The following MYT1L variants were observed in gnomAD, a reference collection of about 807,000 sequenced individuals.
The protein encoded by MYT1L is myelin transcription factor 1 like.
A neutral mutation model predicts 126.7 loss-of-function variants in MYT1L; 12 were observed. The observed-to-expected ratio is 0.09, with a 90% CI of 0.06 to 0.15. The LOEUF (loss-of-function observed/expected upper bound fraction) is 0.15, where lower values mean the gene tolerates loss of function less well. Ranked by LOEUF, MYT1L falls within the 10% of genes least tolerant of loss-of-function variation. MYT1L has a pLI of 1.00. For synonymous variants in MYT1L, 541 were observed against 604.2 expected, an observed-to-expected ratio of 0.90 and a Z score of 1.53; for missense variants, 979 against 1,585.2, an observed-to-expected ratio of 0.62 and a Z score of 6.49.
chr2:1,932,219 C>T lies in MYT1L; in HGVS notation c.506-8956G>A, dbSNP rs116800780. Among the ~76,000 whole-genome samples the T allele has an allele frequency of 3.1e-3, 478 of 152,220 alleles. 5 individuals carry two copies. The highest frequency in any genetic ancestry group is 0.011 in the African/African-American group (460 of 41,522). On this transcript the variant is annotated intron_variant, in intron 9 of 24. Coordinates refer to ENST00000647738, the MANE Select transcript of MYT1L (RefSeq NM_001303052.2). The stretch of plus-strand genomic sequence containing the variant: ...CAGGGAATTGAGGCACGGAGGAAAA[C>T]GTCTATTTAAGATAGGAGGCATTTA...
intron 3 of MYT1L, among the ~76,000 whole-genome samples, chr2:2,121,351 A>G (rs1471054227): frequency 2.7e-5 from 4 of 149,476 alleles, no homozygotes; most frequent in African/African-American, 7.4e-5. Context: ...CTAACTTTGT[A>G]TTTTTAGTAG....
intron 3 of MYT1L, among the ~76,000 whole-genome samples, chr2:2,098,810 C>T (rs1368738505): frequency 6.6e-6 from 1 of 152,222 alleles, no homozygotes; most frequent in Non-Finnish European, 1.5e-5. Context: ...GGTCTGTAAA[C>T]CATTTGTGTT....
chr2:2,297,353 C>T (rs766614847), intron 1 of MYT1L, among the ~76,000 whole-genome samples: 12 of 152,250 alleles, frequency 7.9e-5, no homozygotes, highest in South Asian at 2.1e-4. Context: ...GACAGGGGAC[C>T]GTGTGTGGGG....
chr2:2,314,578 C>A (rs1337233776), intron 1 of MYT1L, among the ~76,000 whole-genome samples: 3 of 152,092 alleles, frequency 2.0e-5, no homozygotes, highest in Non-Finnish European at 4.4e-5. Flanking sequence ...ATTTTAAGTT[C>A]TGGGATACAT....
At chr2:1,805,680 GT>G (rs923890532) in intron 22 of MYT1L, among the ~76,000 whole-genome samples, 1 of 152,204 alleles carries the variant, frequency 6.6e-6, no homozygotes, top group Non-Finnish European at 1.5e-5. Context: ...GAGCTCAGGA[GT>G]TTGAGAGCAG....
chr2:2,301,824 CT>C (rs2095790804), intron 1 of MYT1L, among the ~76,000 whole-genome samples: 1 of 113,334 alleles, frequency 8.8e-6, no homozygotes, highest in African/African-American at 3.4e-5. Context: ...CCCTGTCTGT[CT>C]AAAAAAAAAA....
chr2:1,799,046 A>T (rs887555994), intron 23 of MYT1L, among the ~76,000 whole-genome samples: 1 of 152,184 alleles, frequency 6.6e-6, no homozygotes, highest in African/African-American at 2.4e-5. Flanking sequence ...CGACCCTGAG[A>T]GCTGCAGAGC....
At chr2:2,183,590 G>A (rs2091771986) in intron 2 of MYT1L, among the ~76,000 whole-genome samples, 1 of 152,182 alleles carries the variant, frequency 6.6e-6, no homozygotes, top group Non-Finnish European at 1.5e-5. Flanking sequence ...GGTTCTCAGT[G>A]TGATGAGGTA....
intron 23 of MYT1L, among the ~76,000 whole-genome samples, chr2:1,797,566 C>T (rs1421192873): frequency 6.6e-6 from 1 of 152,166 alleles, no homozygotes; most frequent in African/African-American, 2.4e-5. Context: ...AAGACCCCGA[C>T]GCAGACTCTT....
At chr2:2,293,087 ACC>A (rs2095622825) in intron 1 of MYT1L, among the ~76,000 whole-genome samples, 2 of 152,184 alleles carry the variant, frequency 1.3e-5, no homozygotes, top group Admixed American at 6.5e-5. Context: ...CAAGACAGCC[ACC>A]CTGGAGGCAT....
rs879447152 is a variant in MYT1L, at chr2:1,952,968, CTCCT to C, written c.153-9638_153-9635del. ...CCCTCCTTCCTCCCTCCCTCCCTCC[CTCCT>C]TCCTTCCTTTCTCTTTCTTTCTTTT... On this transcript the variant is annotated intron_variant, in intron 8 of 24. Coordinates refer to ENST00000647738, the MANE Select transcript of MYT1L (RefSeq NM_001303052.2). Among the ~76,000 whole-genome samples, 1,091 of 114,948 alleles carry C rather than the reference CTCCT, an allele frequency of 9.5e-3. 7 individuals carry two copies. The highest frequency in any genetic ancestry group is 0.02 in the Middle Eastern group (5 of 248). 75.4% of individuals were successfully genotyped at this position (114,948 alleles called of 152,430 possible). A position where few individuals can be genotyped will look rare whatever the true frequency, so the allele number is the denominator to read the frequency against.
chr2:2,148,633 G>A (rs932020919), intron 3 of MYT1L, among the ~76,000 whole-genome samples: 11 of 152,286 alleles, frequency 7.2e-5, no homozygotes, highest in African/African-American at 2.4e-4. Flanking sequence ...TAGAGAATAC[G>A]GTTGTCTCCA....
chr2:2,147,221 C>T (rs947024048), intron 3 of MYT1L, among the ~76,000 whole-genome samples: 6 of 152,214 alleles, frequency 3.9e-5, no homozygotes, highest in Non-Finnish European at 7.3e-5. Context: ...ATGAACAGCA[C>T]CACAATCAGA....
intron 4 of MYT1L, among the ~76,000 whole-genome samples, chr2:1,997,704 C>G (rs906316140): frequency 6.6e-6 from 1 of 152,164 alleles, no homozygotes; most frequent in Non-Finnish European, 1.5e-5. Flanking sequence ...ATCCTCCCTC[C>G]TTCCCAGACT....
intron 1 of MYT1L, among the ~76,000 whole-genome samples, chr2:2,295,316 T>G (rs996774512): frequency 1.3e-5 from 2 of 152,162 alleles, no homozygotes; most frequent in African/African-American, 2.4e-5. Flanking sequence ...GCAATACACC[T>G]GGAACAGGAG....
At chr2:1,956,580 C>CTATA (rs2058472972) in intron 8 of MYT1L, among the ~76,000 whole-genome samples, 1 of 130,482 alleles carries the variant, frequency 7.7e-6, no homozygotes, top group African/African-American at 3.1e-5. Context: ...CCTATTCTAT[C>CTATA]TATCTATCTA....
intron 3 of MYT1L, among the ~76,000 whole-genome samples, chr2:2,103,359 C>A (rs1206163436): frequency 6.6e-6 from 1 of 152,192 alleles, no homozygotes; most frequent in Non-Finnish European, 1.5e-5. Context: ...TGCAGCAGGA[C>A]CACCATGAGA....
chr2:2,042,426 C>T (rs189798022), intron 4 of MYT1L, among the ~76,000 whole-genome samples: 5 of 152,266 alleles, frequency 3.3e-5, no homozygotes, highest in East Asian at 3.9e-4. Context: ...CCTTGTGATA[C>T]GGAGCATATT....
intron 1 of MYT1L, chr2:2,326,855 C>T (rs2096250928): frequency 6.6e-6 from 1 of 151,948 alleles, no homozygotes; most frequent in African/African-American, 2.4e-5. Context: ...TATGCTTGAA[C>T]AATGCAGGTG....
Sources: allele counts gnomAD v4.1 joint callset (sites outside exome capture counted in the v4.1 genomes callset), GRCh38; gene constraint gnomAD v4.1.1; transcripts MANE v1.5; gene names NCBI Gene and HGNC (gene_info 2026-07-23, HGNC 2026-07-21).